Variants in COL14A1 observed in about 807,000 individuals in gnomAD.
COL14A1 encodes the protein collagen alpha-1(XIV) chain.
Under a neutral mutation model 230.3 loss-of-function variants are expected in COL14A1, and 136 were observed. The ratio of observed to expected loss-of-function variants is 0.59; its 90% CI spans 0.51 to 0.68. The LOEUF is 0.68. COL14A1 is among the 30% of genes least tolerant of loss of function. The probability of loss-of-function intolerance (pLI) is 0.00; values close to 1 mark genes in which losing one functional copy is unlikely to be tolerated. For synonymous variants in COL14A1, 792 were observed against 784.1 expected, an observed-to-expected ratio of 1.01 and a Z score of -0.17; for missense variants, 1,976 against 2,215.8, an observed-to-expected ratio of 0.89 and a Z score of 2.17.
chr8:120,244,792 C>T (rs1586799185), intron 20 of COL14A1, among the ~76,000 whole-genome samples: 1 of 152,328 alleles, frequency 6.6e-6, no homozygotes, highest in East Asian at 1.9e-4. Flanking sequence ...CCTGCTTCTA[C>T]TCATGCCATC....
rs1367623914 is a variant in COL14A1 at position 120,243,910 on chromosome 8, T to A, written c.2381T>A (p.Leu794His). The A allele has an allele frequency of 6.2e-7, 1 of 1,613,598 alleles. No individual in the cohort carries two copies. Among genetic ancestry groups the A allele is most frequent in the Non-Finnish European group, 8.5e-7 (1 of 1,179,614 alleles). Residue 794 changes from leucine to histidine, a missense_variant, in exon 20 of 48, where the codon CTT becomes CAT. By Grantham distance (99) the Leu-to-His change is moderately conservative. Around this residue, in one of 3 missense-constraint regions of COL14A1, gnomAD observed 1,791 missense variants for 2,019.5 expected, o/e 0.89. Transcript: ENST00000297848. ...VMVPGSQNNL[L>H]LKPLLPDTEY... is the part of the protein sequence containing the mutation. The stretch of plus-strand genomic sequence containing the variant: ...GTGCCTGGAAGCCAGAACAACCTCC[T>A]TCTGAAGCCTCTGCTTCCTGATACT...
At chr8:120,165,156 T>C (rs4871046) in intron 4 of COL14A1, among the ~76,000 whole-genome samples, 5,160 of 152,308 alleles carry the variant, frequency 0.034, 238 homozygotes, top group South Asian at 0.15. Context: ...AAAATGAAAA[T>C]TGCTTGGATA....
chr8:120,335,264 A>G (rs562702057), intron 42 of COL14A1, among the ~76,000 whole-genome samples: 1 of 152,278 alleles, frequency 6.6e-6, no homozygotes, highest in South Asian at 2.1e-4. Context: ...CTACATAAAT[A>G]CCAATAAAAT....
intron 2 of COL14A1, among the ~76,000 whole-genome samples, chr8:120,155,249 G>T (rs1022517459): frequency 2.0e-5 from 3 of 152,176 alleles, no homozygotes; most frequent in Admixed American, 6.5e-5. Flanking sequence ...AAAGAGTAGA[G>T]TATTGATGGA....
chr8:120,196,879 A>G lies in COL14A1; in HGVS notation c.525A>G (p.Arg175=), dbSNP rs762164576. The change falls in exon 6 of 48, where the codon AGA becomes AGG. Residue 175 remains arginine, a synonymous_variant. Coordinates refer to ENST00000297848, the MANE Select transcript of COL14A1 (RefSeq NM_021110.4). ...GSWSIGRFNF[R]LVRHFLENLV... Reference sequence around the variant, plus strand: ...GGAGTATTGGAAGATTCAACTTCAGACTGGTTCGGCATTTCTTGGAAAACC... The same window carrying G: ...GGAGTATTGGAAGATTCAACTTCAGGCTGGTTCGGCATTTCTTGGAAAACC... 3.3e-5 allele frequency: 53 copies of G among 1,613,996 alleles called. No individual in the cohort carries two copies. The highest frequency in any genetic ancestry group is 5.3e-5 in the African/African-American group (4 of 74,922).
intron 5 of COL14A1, among the ~76,000 whole-genome samples, chr8:120,193,021 C>T (rs1403061216): frequency 2.6e-5 from 4 of 152,162 alleles, no homozygotes; most frequent in South Asian, 2.1e-4. Flanking sequence ...GTAATTTGAT[C>T]GTCTGAAGCC....
intron 2 of COL14A1, among the ~76,000 whole-genome samples, chr8:120,153,525 A>AAAAAT (rs1187341273): frequency 6.6e-6 from 1 of 152,204 alleles, no homozygotes; most frequent in Non-Finnish European, 1.5e-5. Context: ...GATTACTTGG[A>AAAAAT]AAAATAGCCA....
intron 45 of COL14A1, among the ~76,000 whole-genome samples, chr8:120,346,812 A>G (rs114687825): frequency 0.026 from 3,922 of 152,322 alleles, 151 homozygotes; most frequent in African/African-American, 0.084. Flanking sequence ...GCGAACAGCC[A>G]GGTTGTTGAG....
chr8:120,272,474 T>C (rs10108141), intron 26 of COL14A1, among the ~76,000 whole-genome samples: 173 of 151,860 alleles, frequency 1.1e-3, no homozygotes, highest in African/African-American at 3.9e-3. Flanking sequence ...ATAGCCTAAG[T>C]GCTCCACTTA....
intron 1 of COL14A1, among the ~76,000 whole-genome samples, chr8:120,132,808 C>T (rs1814575180): frequency 6.6e-6 from 1 of 152,080 alleles, no homozygotes; most frequent in Admixed American, 6.6e-5. Context: ...AAACATTAGA[C>T]ACAAACATGT....
intron 19 of COL14A1, among the ~76,000 whole-genome samples, chr8:120,234,443 G>A (rs1424463387): frequency 6.6e-6 from 1 of 152,158 alleles, no homozygotes; most frequent in Non-Finnish European, 1.5e-5. Context: ...GATATTGACT[G>A]TGGGTTTGTC....
At chr8:120,339,753 T>C (rs559133345) in intron 42 of COL14A1, among the ~76,000 whole-genome samples, 3 of 151,834 alleles carry the variant, frequency 2.0e-5, no homozygotes, top group Admixed American at 6.6e-5. Flanking sequence ...AAAAAAAGTG[T>C]TGGCCAGGTG....
At position 120,161,491 on chromosome 8, in the gene COL14A1, C is replaced by A. The variant is rs140666199; in HGVS notation, c.206-935C>A. Among the ~76,000 whole-genome samples the A allele has an allele frequency of 1.6e-3, 247 of 152,258 alleles. 3 individuals carry two copies. The highest frequency in any genetic ancestry group is 5.7e-3 in the African/African-American group (237 of 41,550). ...TTTTGAAATCTTTTCATGAACCAAG[C>A]CAACTTTTAAGTAGCCAGTCAATGA... is the stretch of plus-strand genomic sequence containing the variant. On this transcript the variant is annotated intron_variant, in intron 3 of 47. Coordinates refer to ENST00000297848, the MANE Select transcript of COL14A1 (RefSeq NM_021110.4).
intron 2 of COL14A1, among the ~76,000 whole-genome samples, chr8:120,148,144 C>CTTT (rs59311466): frequency 6.5e-5 from 8 of 122,960 alleles, no homozygotes; most frequent in Non-Finnish European, 1.1e-4. Context: ...ATAGGTCATT[C>CTTT]TTTTTTTTTT....
chr8:120,186,338 T>G (rs7005078), intron 5 of COL14A1, among the ~76,000 whole-genome samples: 2,116 of 152,320 alleles, frequency 0.014, 48 homozygotes, highest in African/African-American at 0.047. Flanking sequence ...GTTTGGAAAC[T>G]TGAATGTAAC....
intron 14 of COL14A1, among the ~76,000 whole-genome samples, chr8:120,219,825 G>A (rs974449872): frequency 3.3e-5 from 5 of 152,136 alleles, no homozygotes; most frequent in Non-Finnish European, 7.4e-5. Flanking sequence ...TGGGGAAGCT[G>A]CTAGCATTTG....
At chr8:120,182,725 C>CTTTT (rs1816499741) in intron 5 of COL14A1, among the ~76,000 whole-genome samples, 1 of 109,772 alleles carries the variant, frequency 9.1e-6, no homozygotes, top group Non-Finnish European at 1.8e-5. Context: ...TATTTTTCTT[C>CTTTT]GTTTTTTTTT....
At chr8:120,161,856 G>C (rs1431442739) in intron 3 of COL14A1, among the ~76,000 whole-genome samples, 1 of 152,102 alleles carries the variant, frequency 6.6e-6, no homozygotes. Context: ...GTAGAGACGG[G>C]GTTTCACCAC....
intron 42 of COL14A1, among the ~76,000 whole-genome samples, chr8:120,338,761 A>G (rs982459340): frequency 6.6e-6 from 1 of 152,222 alleles, no homozygotes; most frequent in Admixed American, 6.5e-5. Flanking sequence ...GTCATAATGT[A>G]TTAAAATATG....
Sources: gnomAD v4.1 joint callset for allele counts (sites outside exome capture counted in the v4.1 genomes callset) on GRCh38, gnomAD v4.1.1 for gene constraint, gnomAD v4.1.1 regional missense constraint, MANE v1.5 for transcripts, NCBI Gene and HGNC (gene_info 2026-07-23, HGNC 2026-07-21) for gene names.